ZNF154: variants seen among roughly 807,000 people sequenced by gnomAD.
ZNF154 encodes zinc finger protein 154 (pHZ-92).
In ZNF154, 6 loss-of-function variants were observed where a neutral mutation model predicts 7.5. The observed-to-expected ratio is 0.80, with a 90% CI of 0.44 to 1.57. The LOEUF is 1.57. Among genes scored for constraint, ZNF154 ranks in the 40% most tolerant of loss-of-function variants. The probability of loss-of-function intolerance (pLI) is 0.01; values close to 1 mark genes in which losing one functional copy is unlikely to be tolerated. For missense variants in ZNF154, 485 were observed against 531.4 expected (o/e 0.91, Z 0.86); for synonymous variants, 187 against 185.9 (o/e 1.01, Z -0.05).
Position 57,701,584 on chromosome 19 carries a change from A to G in ZNF154, c.*51T>C. On this transcript the variant is annotated 3_prime_UTR_variant, in exon 3 of 3. Transcript: ENST00000684351. The stretch of plus-strand genomic sequence containing the variant: ...TCTGACATTCACTGTGTACTCAAGG[A>G]CTTTCTCCAGGGTGCTAACAGATTT... 6.4e-7 allele frequency: 1 copy of G among 1,567,770 alleles called. No homozygotes were observed. The highest frequency in any genetic ancestry group is 8.7e-7 in the Non-Finnish European group (1 of 1,152,328).
rs1985055133 is a variant in ZNF154, at chr19:57,699,969, A to G, written c.*1666T>C. The G allele has an allele frequency of 6.6e-6, 1 of 152,004 alleles. No individual in the cohort carries two copies. Among genetic ancestry groups the G allele is most frequent in the Non-Finnish European group, 1.5e-5 (1 of 67,986 alleles). 9.4% of individuals were successfully genotyped at this position (152,004 alleles called of 1,614,324 possible). On this transcript the variant is annotated 3_prime_UTR_variant, in exon 3 of 3. Transcript: ENST00000684351. The stretch of plus-strand genomic sequence containing the variant: ...GACTGGGCAACAGAGCAAGACTCTG[A>G]CTCAAAAAAAAATAAAAATAAAAAT...
chr19:57,702,223 T>C lies in ZNF154; in HGVS notation c.726A>G (p.Glu242=), dbSNP rs761395571. 2 of 1,613,948 alleles carry C rather than the reference T, an allele frequency of 1.2e-6. No homozygotes were observed. The highest frequency in any genetic ancestry group is 3.3e-5 in the Admixed American group (2 of 60,016). ...LIKHRRVHTG[E]RPYECSECGK... Reference sequence around the variant, plus strand: ...CACATTCACTGCACTCATATGGCCTTTCCCCAGTGTGAACTCTCCGATGTT... The same window carrying C: ...CACATTCACTGCACTCATATGGCCTCTCCCCAGTGTGAACTCTCCGATGTT... Residue 242 remains glutamate (E), a synonymous_variant, in exon 3 of 3, where the codon GAA becomes GAG. Coordinates refer to ENST00000684351, the MANE Select transcript of ZNF154 (RefSeq NM_001085384.3).
rs1183386511 is a variant in ZNF154 at position 57,701,989 on chromosome 19, A to G, written c.960T>C (p.His320=). The G allele has an allele frequency of 1.0e-5, 16 of 1,598,306 alleles. No homozygotes were observed. Among genetic ancestry groups the G allele is most frequent in the Non-Finnish European group, 1.4e-5 (16 of 1,175,124 alleles). The change falls in exon 3 of 3, where the codon CAT becomes CAC. Residue 320 remains histidine (H), a synonymous_variant. Transcript: ENST00000684351. ...FSQNSSLIEH[H]RVHTGERPYK... ...AAGGCCTTTCTCCAGTGTGAACCCTATGGTGTTCAATGAGGCTAGAGTTTT... is the reference window on the plus strand; with the variant it reads ...AAGGCCTTTCTCCAGTGTGAACCCTGTGGTGTTCAATGAGGCTAGAGTTTT...
rs1411523167 is a variant in ZNF154 at position 57,709,129 on chromosome 19, C to A, written c.-158G>T. On this transcript the variant is annotated 5_prime_UTR_variant, in exon 1 of 3. In the 5' UTR this introduces an upstream ATG that the reference lacks. Transcript: ENST00000684351. ...GGAGGGACGACGACTCCCCTCACGC[C>A]TTCGTGGCCCCAACTCGGCGCTCTG... 1.6e-5 allele frequency: 15 copies of A among 954,986 alleles called. No homozygotes were observed. Among genetic ancestry groups the A allele is most frequent in the Non-Finnish European group, 2.2e-5 (14 of 633,318 alleles). 59.2% of individuals were successfully genotyped at this position (954,986 alleles called of 1,614,324 possible).
At position 57,699,401 on chromosome 19, in the gene ZNF154, G is replaced by A. The variant is rs1271749133; in HGVS notation, c.*2234C>T. On this transcript the variant is annotated 3_prime_UTR_variant, in exon 3 of 3. Transcript: ENST00000684351. Reference sequence around the variant, plus strand: ...GCACCCGGCTGAGATTTTCTTACTTGAGTTCCCAATGGGTCGTAAAGCAGC... The same window carrying A: ...GCACCCGGCTGAGATTTTCTTACTTAAGTTCCCAATGGGTCGTAAAGCAGC... 4.8e-5 allele frequency: 12 copies of A among 249,160 alleles called. No homozygotes were observed. The highest frequency in any genetic ancestry group is 4.2e-5 in the Non-Finnish European group (5 of 119,496). The allele number at this position is 249,160 out of a possible 1,614,324, so 15.4% of individuals were successfully genotyped here. A position where few individuals can be genotyped will look rare whatever the true frequency, so the allele number is the denominator to read the frequency against.
intron 1 of ZNF154, among the ~76,000 whole-genome samples, chr19:57,707,113 C>CAAAAAAAAAAAAAAAAAAA (rs1282058157): frequency 8.5e-5 from 8 of 94,246 alleles, no homozygotes; most frequent in Admixed American, 2.3e-4. Flanking sequence ...CACTCCATCT[C>CAAAAAAAAAAAAAAAAAAA]AAAAAAAAAA....
At chr19:57,704,076 G>C (rs896776267) in intron 2 of ZNF154, among the ~76,000 whole-genome samples, 2 of 152,186 alleles carry the variant, frequency 1.3e-5, no homozygotes, top group African/African-American at 2.4e-5. Context: ...AGAACTGCAG[G>C]TGTAGCAGTG....
chr19:57,704,434 A>G (rs2122401752), intron 2 of ZNF154, among the ~76,000 whole-genome samples: 1 of 152,364 alleles, frequency 6.6e-6, no homozygotes, highest in South Asian at 2.1e-4. Flanking sequence ...CTTTGTAAGA[A>G]GAGTCCATGG....
At position 57,702,100 on chromosome 19, in the gene ZNF154, T is replaced by C. The variant is rs746773241; in HGVS notation, c.849A>G (p.Thr283=). Residue 283 remains threonine (T), a synonymous_variant, in exon 3 of 3, where the codon ACA becomes ACG. Transcript: ENST00000684351. ...GGTGTTTTATGAGACTGGAATGATA[T>C]GTAAAAAACTTCCCACATTCACTGC... The part of the protein sequence containing the change: ...YECSECGKFF[T]YHSSLIKHQK... 3.1e-6 allele frequency: 5 copies of C among 1,599,876 alleles called. No individual in the cohort carries two copies. The highest frequency in any genetic ancestry group is 2.2e-5 in the South Asian group (2 of 90,556).
chr19:57,702,377 C>A lies in ZNF154; in HGVS notation c.572G>T (p.Cys191Phe). Reference protein sequence around the residue: ...RLHTGEKPYECRECGKSFRQS... With the variant: ...RLHTGEKPYEFRECGKSFRQS... Reference sequence around the variant, plus strand: ...CCTAAAGGACTTCCCACACTCTCGACATTCATAAGGCTTTTCTCCAGTGTG... The same window carrying A: ...CCTAAAGGACTTCCCACACTCTCGAAATTCATAAGGCTTTTCTCCAGTGTG... Residue 191 changes from cysteine (C) to phenylalanine (F), a missense_variant, in exon 3 of 3, where the codon TGT becomes TTT. By Grantham distance (205) the Cys-to-Phe change is radical. Coordinates refer to ENST00000684351, the MANE Select transcript of ZNF154 (RefSeq NM_001085384.3). 6.2e-7 allele frequency: 1 copy of A among 1,612,810 alleles called. No individual in the cohort carries two copies. The highest frequency in any genetic ancestry group is 1.1e-5 in the South Asian group (1 of 91,040).
chr19:57,696,337 C>T lies in ZNF154; in HGVS notation c.*5298G>A, dbSNP rs1170750278. Among the ~76,000 whole-genome samples, 1 of 152,154 alleles carries T rather than the reference C, an allele frequency of 6.6e-6. No homozygotes were observed. Among genetic ancestry groups the T allele is most frequent in the East Asian group, 1.9e-4 (1 of 5,184 alleles). On this transcript the variant is annotated 3_prime_UTR_variant, in exon 3 of 3. Transcript: ENST00000684351. ...TTTCTCTTTCTCTTGTACCTTAAGA[C>T]CTGCCTGGATCAGGTAAATGATAAG...
chr19:57,701,241 A>C lies in ZNF154; in HGVS notation c.*394T>G, dbSNP rs554092300. The C allele has an allele frequency of 5.0e-6, 1 of 198,320 alleles. No individual in the cohort carries two copies. The highest frequency in any genetic ancestry group is 2.3e-5 in the African/African-American group (1 of 43,164). The allele number at this position is 198,320 out of a possible 1,614,324, so 12.3% of individuals were successfully genotyped here. On this transcript the variant is annotated 3_prime_UTR_variant, in exon 3 of 3. Transcript: ENST00000684351. ...CAGAACACCAAGGTTCACTTACCTGAATACACTGGGATGGGTGAGTGGTGC... is the reference window on the plus strand; with the variant it reads ...CAGAACACCAAGGTTCACTTACCTGCATACACTGGGATGGGTGAGTGGTGC...
intron 1 of ZNF154, among the ~76,000 whole-genome samples, chr19:57,708,223 T>C (rs1985472151): frequency 6.6e-6 from 1 of 152,202 alleles, no homozygotes; most frequent in South Asian, 2.1e-4. Context: ...CTCAATGTCC[T>C]CATCGCCCCA....
rs1304845227 is a variant in ZNF154, at chr19:57,696,923, C to G, written c.*4712G>C. On this transcript the variant is annotated 3_prime_UTR_variant, in exon 3 of 3. Transcript: ENST00000684351. The stretch of plus-strand genomic sequence containing the variant: ...ATCCAGCAGCCCCAAGGCAGCTCCC[C>G]TCATTATCCTCTGTCATAAAGATAT... Among the ~76,000 whole-genome samples, 1 of 152,210 alleles carries G rather than the reference C, an allele frequency of 6.6e-6. No individual in the cohort carries two copies. Among genetic ancestry groups the G allele is most frequent in the Non-Finnish European group, 1.5e-5 (1 of 68,034 alleles).
rs1984898156 is a variant in ZNF154, at chr19:57,696,437, C to T, written c.*5198G>A. Among the ~76,000 whole-genome samples the T allele has an allele frequency of 6.6e-6, 1 of 152,144 alleles. No homozygotes were observed. The highest frequency in any genetic ancestry group is 6.6e-5 in the Admixed American group (1 of 15,260). On this transcript the variant is annotated 3_prime_UTR_variant, in exon 3 of 3. Transcript: ENST00000684351. ...TGCCTACCACACCTTTTGCCAGGAT[C>T]CCAGAGAGTACTGTGAGCACTCCTA...
chr19:57,707,097 G>A (rs1331548293), intron 1 of ZNF154, among the ~76,000 whole-genome samples: 10 of 124,134 alleles, frequency 8.1e-5, no homozygotes, highest in Non-Finnish European at 1.6e-4. Flanking sequence ...TGGGCAACAA[G>A]AGAGACACTC....
Position 57,699,547 on chromosome 19 carries a change from C to A in ZNF154, c.*2088G>T. 1 of 267,028 alleles carries A rather than the reference C, an allele frequency of 3.7e-6. No homozygotes were observed. The highest frequency in any genetic ancestry group is 3.7e-5 in the South Asian group (1 of 26,754). The allele number at this position is 267,028 out of a possible 1,614,324, so 16.5% of individuals were successfully genotyped here. A position where few individuals can be genotyped will look rare whatever the true frequency, so the allele number is the denominator to read the frequency against. On this transcript the variant is annotated 3_prime_UTR_variant, in exon 3 of 3. Coordinates refer to ENST00000684351, the MANE Select transcript of ZNF154 (RefSeq NM_001085384.3). ...GCCTTGAAGAGAAGTAGTGGCCAGC[C>A]ACTGGAAGTTGACAATGACCAATTG...
rs765441157 is a variant in ZNF154 at position 57,702,364 on chromosome 19, C to A, written c.585G>T (p.Gly195=). The A allele has an allele frequency of 5.6e-6, 9 of 1,612,606 alleles. No homozygotes were observed. The highest frequency in any genetic ancestry group is 7.6e-6 in the Non-Finnish European group (9 of 1,178,868). Residue 195 remains glycine, a synonymous_variant, in exon 3 of 3, where the codon GGG becomes GGT. Transcript: ENST00000684351. ...GEKPYECREC[G]KSFRQSSSLI... ...GACTAGAGCTTTGCCTAAAGGACTT[C>A]CCACACTCTCGACATTCATAAGGCT... is the stretch of plus-strand genomic sequence containing the variant.
At chr19:57,705,867 A>T (rs2122409538) in intron 1 of ZNF154, among the ~76,000 whole-genome samples, 1 of 152,316 alleles carries the variant, frequency 6.6e-6, no homozygotes, top group Admixed American at 6.5e-5. Context: ...CTAGTCCAGA[A>T]AAAAAGTGAA....
Sources: allele counts gnomAD v4.1 joint callset (sites outside exome capture counted in the v4.1 genomes callset), GRCh38; gene constraint gnomAD v4.1.1; transcripts MANE v1.5; gene names NCBI Gene and HGNC (gene_info 2026-07-23, HGNC 2026-07-21).